EZH1: variants seen among roughly 807,000 people sequenced by gnomAD.
EZH1 encodes the protein histone-lysine N-methyltransferase EZH1.
Under a neutral mutation model 100.5 loss-of-function variants are expected in EZH1, and 33 were observed. The observed-to-expected ratio is 0.33, with a 90% CI of 0.25 to 0.44. EZH1 has a LOEUF of 0.44. EZH1 is among the 20% of genes least tolerant of loss of function. EZH1 has a pLI of 1.00. For missense variants in EZH1, 475 were observed against 928.4 expected (o/e 0.51, Z 6.35); for synonymous variants, 272 against 313.8 (o/e 0.87, Z 1.41).
chr17:42,729,441 CAAG>C (rs2053892450), intron 2 of EZH1, among the ~76,000 whole-genome samples: 1 of 151,750 alleles, frequency 6.6e-6, no homozygotes, highest in Non-Finnish European at 1.5e-5. Flanking sequence ...CAAAAAACAA[CAAG>C]AAGTCCAGGC....
In EZH1 at chr17:42,705,197, G is replaced by C. The variant is rs924994594; in HGVS notation, c.1840-14C>G. 6.3e-7 allele frequency: 1 copy of C among 1,598,506 alleles called. No homozygotes were observed. The highest frequency in any genetic ancestry group is 1.3e-5 in the African/African-American group (1 of 74,568). ...CAGCAGCAGGTGCTGGGGAAGAGGG[G>C]GCCAAGTCTCAGACTACAGGGTGTG... On this transcript the variant is annotated splice_polypyrimidine_tract_variant and intron_variant, in intron 16 of 20. Coordinates refer to ENST00000428826, the MANE Select transcript of EZH1 (RefSeq NM_001991.5).
At chr17:42,722,625 C>CAAA (rs11298431) in intron 6 of EZH1, among the ~76,000 whole-genome samples, 170 bp downstream of exon 6, 5 of 104,086 alleles carry the variant, frequency 4.8e-5, no homozygotes, top group Non-Finnish European at 5.7e-5. Context: ...AACTCCGTCT[C>CAAA]AAAAAAAAAA....
chr17:42,741,113 T>C (rs2054167644), intron 1 of EZH1, among the ~76,000 whole-genome samples: 1 of 152,270 alleles, frequency 6.6e-6, no homozygotes, highest in African/African-American at 2.4e-5. Context: ...TGTTTTCTCT[T>C]TTCTCTTTAG....
At chr17:42,735,306 C>G (rs779980929) in intron 1 of EZH1, among the ~76,000 whole-genome samples, 19 of 151,594 alleles carry the variant, frequency 1.3e-4, no homozygotes, top group Non-Finnish European at 2.6e-4. Flanking sequence ...ACACCTGAAA[C>G]TCAGCCATAA....
intron 1 of EZH1, among the ~76,000 whole-genome samples, chr17:42,738,175 C>CAAAA (rs1175336340): frequency 1.7e-5 from 1 of 57,166 alleles, no homozygotes. Context: ...GACTCTGTCT[C>CAAAA]AAAAAAAAAA....
chr17:42,703,794 C>T lies in EZH1; in HGVS notation c.2044G>A (p.Gly682Arg). The change falls in exon 19 of 21, where the codon GGA (glycine) becomes AGA (arginine). Residue 682 changes from glycine to arginine, a missense_variant. This residue lies in a region of EZH1 where 49 missense variants were observed against 164.2 expected (regional missense o/e 0.30). Transcript: ENST00000428826. ...TGATTTGCAAATCGAATTTTGTTTC[C>T]TTTCCGAGTAGCATCCACTACAAAA... ...NDFVVDATRK[G>R]NKIRFANHSV... 1.2e-6 allele frequency: 2 copies of T among 1,614,036 alleles called. No individual in the cohort carries two copies. Among genetic ancestry groups the T allele is most frequent in the Non-Finnish European group, 1.7e-6 (2 of 1,179,914 alleles).
At position 42,707,967 on chromosome 17, in the gene EZH1, T is replaced by G; in HGVS notation, c.1651A>C (p.Asn551His). Reference protein sequence around the residue: ...QNFCEKFCQCNPDCQNRFPGC... With the variant: ...QNFCEKFCQCHPDCQNRFPGC... ...AACGTAGCACACTTACAGTCTGGGT[T>G]GCACTGGCAGAACTTCTCACAGAAA... Residue 551 changes from asparagine (N) to histidine (H), a missense_variant, in exon 15 of 21, where the codon AAC becomes CAC. This residue lies in a region of EZH1 where 17 missense variants were observed against 75.8 expected (regional missense o/e 0.22). Coordinates refer to ENST00000428826, the MANE Select transcript of EZH1 (RefSeq NM_001991.5). 2 of 1,613,242 alleles carry G rather than the reference T, an allele frequency of 1.2e-6. No homozygotes were observed. Among genetic ancestry groups the G allele is most frequent in the Non-Finnish European group, 1.7e-6 (2 of 1,179,852 alleles).
In EZH1 at chr17:42,722,844, A is replaced by G. The variant is rs2053742787; in HGVS notation, c.438T>C (p.Phe146=). Residue 146 remains phenylalanine (F), a synonymous_variant, in exon 6 of 21, where the codon TTT becomes TTC. Coordinates refer to ENST00000428826, the MANE Select transcript of EZH1 (RefSeq NM_001991.5). ...CATAGTTATTGATCAGCTCCTCAAT[A>G]AAAGTCTCATCTTCTTCTTTCACTT... is the stretch of plus-strand genomic sequence containing the variant. The part of the protein sequence containing the change: ...GDEVKEEDET[F]IEELINNYDG... 6.2e-7 allele frequency: 1 copy of G among 1,614,044 alleles called. No individual in the cohort carries two copies. The highest frequency in any genetic ancestry group is 8.5e-7 in the Non-Finnish European group (1 of 1,179,996).
chr17:42,729,711 C>T (rs1268900883), intron 2 of EZH1, among the ~76,000 whole-genome samples: 3 of 149,888 alleles, frequency 2.0e-5, no homozygotes, highest in African/African-American at 7.4e-5. Context: ...TGCACTCCAG[C>T]CTGGGTGACA....
At chr17:42,702,759 T>C in intron 20 of EZH1, 118 bp downstream of exon 20, 1 of 1,306,742 alleles carries the variant, frequency 7.7e-7, no homozygotes, top group Non-Finnish European at 1.1e-6. Context: ...CACAGCCTTA[T>C]TCACCGGGAG....
chr17:42,725,207 T>G (rs2053794433), intron 4 of EZH1, among the ~76,000 whole-genome samples: 1 of 151,832 alleles, frequency 6.6e-6, no homozygotes, highest in Non-Finnish European at 1.5e-5. Flanking sequence ...CTTAATAAAT[T>G]CAGAGTTTTG....
intron 3 of EZH1, among the ~76,000 whole-genome samples, chr17:42,728,615 G>A (rs1265828410): frequency 1.3e-5 from 2 of 151,114 alleles, no homozygotes; most frequent in Non-Finnish European, 3.0e-5. Context: ...GGTGGCAGGC[G>A]CCTGTAGTCC....
In EZH1 at chr17:42,702,693, G is replaced by A. The variant is rs1028010496; in HGVS notation, c.2184-101C>T. 2.5e-5 allele frequency: 33 copies of A among 1,341,808 alleles called. No individual in the cohort carries two copies. In the African/African-American group the frequency reaches 4.3e-4, roughly 18 times the overall value. The allele number at this position is 1,341,808 out of a possible 1,614,324, so 83.1% of individuals were successfully genotyped here. A position where few individuals can be genotyped will look rare whatever the true frequency, so the allele number is the denominator to read the frequency against. On this transcript the variant is annotated intron_variant, in intron 20 of 20. Transcript: ENST00000428826. ...TTCACTTCCCCTCCCACTCCTTAAGGGCTGTTTACAATGGTCCCACTTCTG... is the reference window on the plus strand; with the variant it reads ...TTCACTTCCCCTCCCACTCCTTAAGAGCTGTTTACAATGGTCCCACTTCTG...
At chr17:42,720,924 T>C (rs907689930) in intron 6 of EZH1, among the ~76,000 whole-genome samples, 4 of 152,166 alleles carry the variant, frequency 2.6e-5, no homozygotes, top group African/African-American at 9.7e-5. Flanking sequence ...ATGCTGGGAT[T>C]ACAGGTGTGA....
At chr17:42,707,279 G>C (rs2053376295) in intron 15 of EZH1, among the ~76,000 whole-genome samples, 1 of 150,638 alleles carries the variant, frequency 6.6e-6, no homozygotes, top group Admixed American at 6.6e-5. Context: ...TTTTCTTTTT[G>C]AGACAGAGTC....
At chr17:42,721,256 T>G (rs1028642849) in intron 6 of EZH1, among the ~76,000 whole-genome samples, 2 of 152,208 alleles carry the variant, frequency 1.3e-5, no homozygotes, top group African/African-American at 4.8e-5. Context: ...CCCACAATTG[T>G]CAAAAGAGCA....
intron 12 of EZH1, among the ~76,000 whole-genome samples, 157 bp downstream of exon 12, chr17:42,712,132 T>A (rs892226418): frequency 6.6e-6 from 1 of 152,192 alleles, no homozygotes. Context: ...AGAAGGGCCA[T>A]GTTTGGGAAA....
Position 42,742,141 on chromosome 17 carries a change from CTTTTTTTT to C in EZH1, c.-103+2862_-103+2869del, listed in dbSNP as rs781134584. Among the ~76,000 whole-genome samples, 3 of 141,224 alleles carry C rather than the reference CTTTTTTTT, an allele frequency of 2.1e-5. No individual in the cohort carries two copies. In the East Asian group the frequency reaches 6.3e-4, roughly 29 times the overall value. The allele number at this position is 141,224 out of a possible 152,430, so 92.6% of individuals were successfully genotyped here. The stretch of plus-strand genomic sequence containing the variant: ...GCCTCCTTATTCCAGTGCTGTCTCT[CTTTTTTTT>C]TTTTTTCCCAAGACAGAGTCTCACT... On this transcript the variant is annotated intron_variant, in intron 1 of 20. Transcript: ENST00000428826.
intron 1 of EZH1, among the ~76,000 whole-genome samples, chr17:42,732,256 A>G (rs938476132): frequency 4.6e-5 from 7 of 152,064 alleles, no homozygotes; most frequent in Non-Finnish European, 8.8e-5. Context: ...AGAGGCCAGG[A>G]GTTTGAGATT....
Sources: allele counts gnomAD v4.1 joint callset (sites outside exome capture counted in the v4.1 genomes callset), GRCh38; gene constraint gnomAD v4.1.1; regional missense constraint gnomAD v4.1.1; transcripts MANE v1.5; gene names NCBI Gene and HGNC (gene_info 2026-07-23, HGNC 2026-07-21).